The following UGT1A7 variants were observed in gnomAD, a reference collection of about 807,000 sequenced individuals.
The protein encoded by UGT1A7 is UDP-glucuronosyltransferase 1A7.
A neutral mutation model predicts 45.6 loss-of-function variants in UGT1A7; 33 were observed. The observed-to-expected ratio is 0.72, with a 90% CI of 0.55 to 0.97. UGT1A7 has a LOEUF of 0.97. Ranked by LOEUF, UGT1A7 falls within the 50% of genes least tolerant of loss-of-function variation. The pLI is 0.00. For missense variants in UGT1A7, 684 were observed against 666.2 expected, an observed-to-expected ratio of 1.03 and a Z score of -0.29; for synonymous variants, 274 against 250.6, an observed-to-expected ratio of 1.09 and a Z score of -0.88.
intron 1 of UGT1A7, among the ~76,000 whole-genome samples, chr2:233,688,409 C>T (rs1559343173): frequency 6.6e-6 from 1 of 152,202 alleles, no homozygotes; most frequent in East Asian, 1.9e-4. Context: ...AATTTTCGAG[C>T]CCATGTGCCT....
intron 1 of UGT1A7, among the ~76,000 whole-genome samples, chr2:233,690,114 T>C (rs1389791367): frequency 1.3e-5 from 2 of 152,240 alleles, no homozygotes; most frequent in Non-Finnish European, 2.9e-5. Flanking sequence ...ATGTCACATA[T>C]GTCTTTGTAA....
At chr2:233,719,027 C>T in intron 1 of UGT1A7, 1 of 1,614,228 alleles carries the variant, frequency 6.2e-7, no homozygotes, top group Non-Finnish European at 8.5e-7. Flanking sequence ...ATATGCACAT[C>T]AAAGAAGAGA....
At chr2:233,749,911 T>C (rs1694301835) in intron 1 of UGT1A7, among the ~76,000 whole-genome samples, 2 of 151,950 alleles carry the variant, frequency 1.3e-5, no homozygotes, top group Non-Finnish European at 2.9e-5. Flanking sequence ...CACCTGGAAC[T>C]GTGAGTCAAT....
chr2:233,726,069 G>A (rs1424606442), intron 1 of UGT1A7, among the ~76,000 whole-genome samples: 2 of 152,174 alleles, frequency 1.3e-5, no homozygotes, highest in African/African-American at 4.8e-5. Context: ...AGGAGGCTGA[G>A]GCAGGAGGAT....
chr2:233,757,047 T>C (rs1479467900), intron 1 of UGT1A7, among the ~76,000 whole-genome samples: 1 of 151,210 alleles, frequency 6.6e-6, no homozygotes, highest in Non-Finnish European at 1.5e-5. Context: ...CAAAGGAAGT[T>C]TGGGGAACAG....
chr2:233,751,620 T>A (rs1457712151), intron 1 of UGT1A7, among the ~76,000 whole-genome samples: 2 of 152,180 alleles, frequency 1.3e-5, no homozygotes, highest in Non-Finnish European at 2.9e-5. Flanking sequence ...GGTGATTGGA[T>A]CATGTGTGCA....
intron 1 of UGT1A7, chr2:233,743,663 T>A (rs200311210): frequency 3.0e-5 from 41 of 1,366,854 alleles, no homozygotes; most frequent in Non-Finnish European, 3.9e-5. Context: ...CTCGAAGGGG[T>A]CCTCGAAGGG....
intron 1 of UGT1A7, among the ~76,000 whole-genome samples, chr2:233,695,422 CCTTCTT>C (rs34487948): frequency 6.6e-6 from 1 of 150,952 alleles, no homozygotes; most frequent in African/African-American, 2.4e-5. Flanking sequence ...CCGCGCCCGG[CCTTCTT>C]CTTCTTCTTT....
At chr2:233,707,538 CTTTT>C (rs753963758) in intron 1 of UGT1A7, among the ~76,000 whole-genome samples, 2 of 127,006 alleles carry the variant, frequency 1.6e-5, no homozygotes, top group African/African-American at 5.8e-5. Context: ...TTTGTCTTGC[CTTTT>C]TTTTTTTTTT....
At chr2:233,751,873 T>C (rs1694839350) in intron 1 of UGT1A7, among the ~76,000 whole-genome samples, 1 of 152,168 alleles carries the variant, frequency 6.6e-6, no homozygotes, top group African/African-American at 2.4e-5. Flanking sequence ...AATTACCCCG[T>C]CTTGGGTATG....
intron 1 of UGT1A7, among the ~76,000 whole-genome samples, chr2:233,764,553 G>A (rs1698592090): frequency 1.3e-5 from 2 of 152,198 alleles, no homozygotes; most frequent in South Asian, 4.1e-4. Flanking sequence ...GTGTGGGAGG[G>A]TGTGCCTGGA....
intron 1 of UGT1A7, chr2:233,744,049 A>C: frequency 1.3e-4 from 90 of 678,678 alleles, no homozygotes; most frequent in Non-Finnish European, 1.7e-4. Flanking sequence ...GCCACATCTC[A>C]TTGGTCGAGG....
intron 1 of UGT1A7, chr2:233,718,893 T>C (rs1280624543): frequency 6.2e-7 from 1 of 1,613,958 alleles, no homozygotes; most frequent in East Asian, 2.2e-5. Context: ...TGTCCAGCCC[T>C]GGGCTGAGAG....
intron 1 of UGT1A7, chr2:233,719,815 A>G: frequency 6.3e-7 from 1 of 1,582,596 alleles, no homozygotes; most frequent in Non-Finnish European, 8.6e-7. Context: ...TTTATAACAG[A>G]TAAACTGTTG....
chr2:233,770,905 C>G (rs1053326631), intron 4 of UGT1A7: 4 of 152,124 alleles, frequency 2.6e-5, no homozygotes, highest in Non-Finnish European at 5.9e-5. Context: ...GCAGGCTGTA[C>G]AGGAAGCTTA....
At chr2:233,754,596 T>TA (rs1695527664) in intron 1 of UGT1A7, 1 of 431,834 alleles carries the variant, frequency 2.3e-6, no homozygotes, top group Middle Eastern at 3.5e-4. Flanking sequence ...TGAAGGACTT[T>TA]AACTCAACTC....
Position 233,695,329 on chromosome 2 carries a change from T to C in UGT1A7, c.855+12537T>C, listed in dbSNP as rs1478779015. ...TTAGTAGAGGCGGGGTTTCACCACG[T>C]TGGCCAGGATGGTCTCAATCTCTTG... On this transcript the variant is annotated intron_variant, in intron 1 of 4. Coordinates refer to ENST00000373426, the MANE Select transcript of UGT1A7 (RefSeq NM_019077.3). 5.3e-5 allele frequency among the ~76,000 whole-genome samples: 8 copies of C among 152,048 alleles called. No individual in the cohort carries two copies. The East Asian group carries it at 1.5e-3, about 29-fold the overall frequency.
At chr2:233,689,405 C>T (rs1460955813) in intron 1 of UGT1A7, among the ~76,000 whole-genome samples, 1 of 152,192 alleles carries the variant, frequency 6.6e-6, no homozygotes, top group Non-Finnish European at 1.5e-5. Flanking sequence ...ACTTGAGACC[C>T]AATCTCTCTA....
Position 233,719,056 on chromosome 2 carries a change from C to A in UGT1A7, c.855+36264C>A, listed in dbSNP as rs772884705. ...GAAGAGAAATTTTTCACCCTGACAGCCTATGCTGTTCCATGGACCCAGAAG... is the reference window on the plus strand; with the variant it reads ...GAAGAGAAATTTTTCACCCTGACAGACTATGCTGTTCCATGGACCCAGAAG... On this transcript the variant is annotated intron_variant, in intron 1 of 4. Transcript: ENST00000373426. 197 of 1,614,166 alleles carry A rather than the reference C, an allele frequency of 1.2e-4. 1 individual carries two copies. The highest frequency in any genetic ancestry group is 1.6e-4 in the Non-Finnish European group (189 of 1,180,058).
Sources: allele counts gnomAD v4.1 joint callset (sites outside exome capture counted in the v4.1 genomes callset), GRCh38; gene constraint gnomAD v4.1.1; transcripts MANE v1.5; gene names NCBI Gene and HGNC (gene_info 2026-07-23, HGNC 2026-07-21).